The following CDK13 variants were observed in gnomAD, a reference collection of about 807,000 sequenced individuals.
CDK13 encodes the protein cyclin dependent kinase 13.
In CDK13, 40 loss-of-function variants were observed where a neutral mutation model predicts 137.6. The observed-to-expected ratio is 0.29, with a 90% CI of 0.23 to 0.38. CDK13 has a LOEUF of 0.38. Among genes scored for constraint, CDK13 ranks in the 10% least tolerant of loss-of-function variants. The probability of loss-of-function intolerance (pLI) is 1.00; values close to 1 mark genes in which losing one functional copy is unlikely to be tolerated. For synonymous variants in CDK13, 869 were observed against 760.1 expected, an observed-to-expected ratio of 1.14 and a Z score of -2.36; for missense variants, 1,704 against 1,951.8, an observed-to-expected ratio of 0.87 and a Z score of 2.39.
At chr7:40,021,661 T>A (rs749654352) in intron 5 of CDK13, among the ~76,000 whole-genome samples, 22 of 152,148 alleles carry the variant, frequency 1.4e-4, no homozygotes, top group Non-Finnish European at 2.9e-4. Flanking sequence ...TTAATTAAAA[T>A]ATATATGTAT....
chr7:39,976,358 C>CACACACACACACACACAG (rs1368250288), intron 1 of CDK13, among the ~76,000 whole-genome samples: 1 of 147,206 alleles, frequency 6.8e-6, no homozygotes. Context: ...CACACACACA[C>CACACACACACACACACAG]AGAAACAAAT....
rs1787160409 is a variant in CDK13, at chr7:39,951,088, G to A, written c.447G>A (p.Val149=). 3.2e-6 allele frequency: 4 copies of A among 1,265,992 alleles called. No individual in the cohort carries two copies. Among genetic ancestry groups the A allele is most frequent in the Admixed American group, 4.2e-5 (1 of 23,762 alleles). The allele number at this position is 1,265,992 out of a possible 1,614,324, so 78.4% of individuals were successfully genotyped here. ...GVTPLVEYED[V]SSQSEQGLLL... is the part of the protein sequence containing the mutation. ...CCCCGCTGGTGGAATACGAGGATGT[G>A]AGCTCCCAGTCCGAGCAGGGGCTGC... is the stretch of plus-strand genomic sequence containing the variant. The change falls in exon 1 of 14, where the codon GTG becomes GTA. Residue 149 remains valine (V), a synonymous_variant. Coordinates refer to ENST00000181839, the MANE Select transcript of CDK13 (RefSeq NM_003718.5).
intron 1 of CDK13, among the ~76,000 whole-genome samples, chr7:39,963,246 C>A (rs1362881142): frequency 6.6e-6 from 1 of 152,184 alleles, no homozygotes; most frequent in East Asian, 1.9e-4. Context: ...TTGATTCTTC[C>A]TACCCATGAG....
intron 5 of CDK13, among the ~76,000 whole-genome samples, chr7:40,017,264 G>A (rs973449557): frequency 1.5e-4 from 23 of 152,016 alleles, no homozygotes; most frequent in African/African-American, 4.6e-4. Context: ...ACCAAACATC[G>A]TTAAGTGTAA....
chr7:40,097,557 G>A lies in CDK13; in HGVS notation c.*2577G>A, dbSNP rs1476657849. On this transcript the variant is annotated 3_prime_UTR_variant, in exon 14 of 14. Transcript: ENST00000181839. ...AGCAGTCATCGCTGAAAATTTGAGT[G>A]AAATCTAAAGAACACAAAATATTGC... 1 of 152,032 alleles carries A rather than the reference G, an allele frequency of 6.6e-6. No homozygotes were observed. Among genetic ancestry groups the A allele is most frequent in the Non-Finnish European group, 1.5e-5 (1 of 67,966 alleles). The allele number at this position is 152,032 out of a possible 1,614,324, so 9.4% of individuals were successfully genotyped here.
chr7:39,957,070 C>G (rs1787428815), intron 1 of CDK13, among the ~76,000 whole-genome samples: 1 of 151,330 alleles, frequency 6.6e-6, no homozygotes, highest in Non-Finnish European at 1.5e-5. Context: ...ATTTAAAACT[C>G]AGCTCAAAAA....
intron 11 of CDK13, among the ~76,000 whole-genome samples, chr7:40,084,382 G>A (rs1194245142): frequency 6.6e-6 from 1 of 152,136 alleles, no homozygotes; most frequent in Non-Finnish European, 1.5e-5. Flanking sequence ...AGAGGCTGAG[G>A]TACAAGAATT....
intron 1 of CDK13, chr7:39,985,543 C>G (rs1210735658): frequency 2.0e-5 from 3 of 152,186 alleles, no homozygotes; most frequent in Non-Finnish European, 4.4e-5. Flanking sequence ...TTTTGAGGAA[C>G]CTCCAAACTG....
chr7:39,996,976 AG>A (rs1406645858), intron 2 of CDK13, among the ~76,000 whole-genome samples: 5,136 of 138,366 alleles, frequency 0.037, 905 homozygotes, highest in Non-Finnish European at 0.057. Flanking sequence ...AAAAAAAAAA[AG>A]AAAAAAAAAA....
chr7:40,088,931 T>C (rs1786851683), intron 12 of CDK13, among the ~76,000 whole-genome samples: 1 of 151,746 alleles, frequency 6.6e-6, no homozygotes, highest in African/African-American at 2.4e-5. Flanking sequence ...AATACAAAAA[T>C]TAGCCGGGCG....
chr7:40,031,499 G>A (rs1176732622), intron 5 of CDK13, among the ~76,000 whole-genome samples: 1 of 152,056 alleles, frequency 6.6e-6, no homozygotes, highest in African/African-American at 2.4e-5. Context: ...TCCATCCTGG[G>A]CAACAGAGTG....
At chr7:40,066,718 A>G (rs1396124222) in intron 9 of CDK13, 1 of 152,226 alleles carries the variant, frequency 6.6e-6, no homozygotes, top group East Asian at 1.9e-4. Context: ...TCAAAACTAA[A>G]AATCCTTGAT....
intron 5 of CDK13, 65 bp downstream of exon 5, chr7:40,002,096 T>C (rs945611373): frequency 2.6e-6 from 3 of 1,174,598 alleles, no homozygotes; most frequent in Non-Finnish European, 3.6e-6. Context: ...ACTTGGAAAT[T>C]TTTTTTATAG....
chr7:40,019,561 A>T (rs2116392552), intron 5 of CDK13, among the ~76,000 whole-genome samples: 1 of 152,178 alleles, frequency 6.6e-6, no homozygotes, highest in East Asian at 1.9e-4. Context: ...AACTGCTTGG[A>T]TGAAGCCCAC....
At chr7:40,029,662 C>CT (rs1007573924) in intron 5 of CDK13, among the ~76,000 whole-genome samples, 12 of 138,454 alleles carry the variant, frequency 8.7e-5, no homozygotes, top group South Asian at 2.4e-4. Flanking sequence ...TTTTTTTTTT[C>CT]TTTTTTTTGA....
intron 1 of CDK13, among the ~76,000 whole-genome samples, chr7:39,956,945 A>G (rs572856134): frequency 2.0e-4 from 30 of 152,058 alleles, no homozygotes; most frequent in South Asian, 1.5e-3. Context: ...GCTCCATTCT[A>G]TCACAGTTCT....
At chr7:39,997,463 G>T (rs1303761343) in intron 2 of CDK13, 31 bp from the exon 3 acceptor site, 1 of 1,573,604 alleles carries the variant, frequency 6.4e-7, no homozygotes, top group South Asian at 1.2e-5. Context: ...CAAAATTTTT[G>T]TTTTATTTGT....
At chr7:40,074,014 G>A (rs548767390) in intron 9 of CDK13, among the ~76,000 whole-genome samples, 1 of 150,008 alleles carries the variant, frequency 6.7e-6, no homozygotes, top group Non-Finnish European at 1.5e-5. Context: ...GTGATTCTCT[G>A]CCTCAGCCTC....
intron 2 of CDK13, among the ~76,000 whole-genome samples, chr7:39,989,782 TC>T (rs1434241824): frequency 6.6e-6 from 1 of 150,842 alleles, no homozygotes; most frequent in South Asian, 2.1e-4. Flanking sequence ...CTCTACTTTA[TC>T]CTTTTTTTTT....
Sources: allele counts gnomAD v4.1 joint callset (sites outside exome capture counted in the v4.1 genomes callset), GRCh38; gene constraint gnomAD v4.1.1; transcripts MANE v1.5; gene names NCBI Gene and HGNC (gene_info 2026-07-23, HGNC 2026-07-21).